The following CENPN variants were observed in gnomAD, a reference collection of about 807,000 sequenced individuals.
CENPN encodes the protein centromere protein N.
CENPN carries 36 observed loss-of-function variants against 48.6 expected under a neutral mutation model. That is an observed-to-expected ratio of 0.74 (90% CI 0.57 to 0.98). The LOEUF is 0.98. Among genes scored for constraint, CENPN ranks in the 50% least tolerant of loss-of-function variants. CENPN has a pLI of 0.00. For synonymous variants in CENPN, 166 were observed against 135.2 expected (o/e 1.23, Z -1.58); for missense variants, 439 against 399.2 (o/e 1.10, Z -0.85).
chr16:81,028,772 A>G lies in CENPN; in HGVS notation c.*121A>G. ...TATTTTCAAGAATCCTTGGTATTGA[A>G]TTTTTAGAAATGCTCACATAATTGT... is the stretch of plus-strand genomic sequence containing the variant. On this transcript the variant is annotated 3_prime_UTR_variant, in exon 11 of 11. Transcript: ENST00000305850. 6.9e-7 allele frequency: 1 copy of G among 1,450,660 alleles called. No individual in the cohort carries two copies. Among genetic ancestry groups the G allele is most frequent in the African/African-American group, 1.4e-5 (1 of 69,138 alleles). The allele number at this position is 1,450,660 out of a possible 1,614,324, so 89.9% of individuals were successfully genotyped here.
At position 81,024,774 on chromosome 16, in the gene CENPN, A is replaced by T. The variant is rs1393023222; in HGVS notation, c.693A>T (p.Ile231=). Residue 231 remains isoleucine (I), a synonymous_variant, in exon 8 of 11, where the codon ATA becomes ATT. Transcript: ENST00000305850. ...PLQERSLGLD[I]NMDSRIIHEN... Reference sequence around the variant, plus strand: ...AGGAAAGAAGCCTTGGACTAGATATAAATAGTACGTGTGTGTTAATATGAA... The same window carrying T: ...AGGAAAGAAGCCTTGGACTAGATATTAATAGTACGTGTGTGTTAATATGAA... 6.2e-7 allele frequency: 1 copy of T among 1,602,786 alleles called. No homozygotes were observed. Among genetic ancestry groups the T allele is most frequent in the Non-Finnish European group, 8.5e-7 (1 of 1,171,292 alleles).
rs566480297 is a variant in CENPN at position 81,009,769 on chromosome 16, T to C, written c.-10-2161T>C. Among the ~76,000 whole-genome samples the C allele has an allele frequency of 2.6e-5, 4 of 152,346 alleles. No individual in the cohort carries two copies. In the South Asian group the frequency reaches 6.2e-4, roughly 24 times the overall value. On this transcript the variant is annotated intron_variant, in intron 1 of 10. Coordinates refer to ENST00000305850, the MANE Select transcript of CENPN (RefSeq NM_001100624.3). Reference sequence around the variant, plus strand: ...GAAGATACTTCTTTGTCCCTGGAATTCCCACAGTTGTGAAGGAAACAGATG... The same window carrying C: ...GAAGATACTTCTTTGTCCCTGGAATCCCCACAGTTGTGAAGGAAACAGATG...
chr16:81,017,358 G>A lies in CENPN; in HGVS notation c.250G>A (p.Glu84Lys). 1.9e-6 allele frequency: 3 copies of A among 1,599,706 alleles called. No individual in the cohort carries two copies. The highest frequency in any genetic ancestry group is 2.6e-6 in the Non-Finnish European group (3 of 1,167,428). ...ATTTCATCAGCACCAGAAAGTTTGG[G>A]AAGTTTTTCAGATGAGTAAAGGACC... ...MQFHQHQKVW[E>K]VFQMSKGPGE... The change falls in exon 4 of 11, where the codon GAA becomes AAA. Residue 84 changes from glutamate to lysine, a missense_variant. Transcript: ENST00000305850.
intron 3 of CENPN, among the ~76,000 whole-genome samples, chr16:81,014,542 A>G (rs1198140798): frequency 6.6e-6 from 1 of 150,966 alleles, no homozygotes; most frequent in Non-Finnish European, 1.5e-5. Flanking sequence ...TTTTGTATAT[A>G]ACGCCTCAGA....
chr16:81,032,691 T>C, downstream of CENPN: 7 of 1,601,736 alleles, frequency 4.4e-6, no homozygotes, highest in Non-Finnish European at 6.0e-6. Context: ...ATCCAAGATG[T>C]TAAAATCATG....
Position 81,029,671 on chromosome 16 carries a change from G to T in CENPN, c.*1020G>T, listed in dbSNP as rs990171304. Reference sequence around the variant, plus strand: ...GCTCCCTGCAACCTCTGCCTCCTGGGTTGAAGAGATTCTCCTGCCTCAGCC... The same window carrying T: ...GCTCCCTGCAACCTCTGCCTCCTGGTTTGAAGAGATTCTCCTGCCTCAGCC... On this transcript the variant is annotated 3_prime_UTR_variant, in exon 11 of 11. Transcript: ENST00000305850. Among the ~76,000 whole-genome samples the T allele has an allele frequency of 6.6e-6, 1 of 152,238 alleles. No homozygotes were observed. The highest frequency in any genetic ancestry group is 2.1e-4 in the South Asian group (1 of 4,826).
At chr16:81,010,511 T>C (rs777889062) in intron 1 of CENPN, among the ~76,000 whole-genome samples, 3 of 152,202 alleles carry the variant, frequency 2.0e-5, no homozygotes, top group Middle Eastern at 3.4e-3. Context: ...GCAGGAGAAG[T>C]GAGGGAGGAA....
intron 5 of CENPN, among the ~76,000 whole-genome samples, chr16:81,019,112 C>T (rs1970059093): frequency 6.6e-6 from 1 of 152,172 alleles, no homozygotes. Context: ...GAGCTAAATG[C>T]ATAAGAGCAT....
intron 6 of CENPN, among the ~76,000 whole-genome samples, chr16:81,020,985 G>T (rs1273707117): frequency 6.6e-6 from 1 of 151,924 alleles, no homozygotes; most frequent in Non-Finnish European, 1.5e-5. Context: ...CCAGTTACTT[G>T]GGAGGCTGAG....
Position 81,024,708 on chromosome 16 carries a change from T to G in CENPN, c.634-7T>G. The G allele has an allele frequency of 1.3e-6, 2 of 1,593,158 alleles. No individual in the cohort carries two copies. The highest frequency in any genetic ancestry group is 1.7e-6 in the Non-Finnish European group (2 of 1,167,892). On this transcript the variant is annotated splice_polypyrimidine_tract_variant and splice_region_variant and intron_variant, in intron 7 of 10. Transcript: ENST00000305850. The stretch of plus-strand genomic sequence containing the variant: ...GATTAGTAAAATATTCACTTTTTTT[T>G]CCCTAGACCTTTGAAACTCACAACT...
chr16:81,017,338 A>G lies in CENPN; in HGVS notation c.230A>G (p.His77Arg). The G allele has an allele frequency of 6.3e-7, 1 of 1,597,516 alleles. No homozygotes were observed. The highest frequency in any genetic ancestry group is 8.6e-7 in the Non-Finnish European group (1 of 1,165,398). The change falls in exon 4 of 11, where the codon CAT becomes CGT. Residue 77 changes from histidine to arginine, a missense_variant. His to Arg is a conservative substitution (Grantham distance 29). Coordinates refer to ENST00000305850, the MANE Select transcript of CENPN (RefSeq NM_001100624.3). The stretch of plus-strand genomic sequence containing the variant: ...TTCCCTCTCTCAGATATGCAATTTC[A>G]TCAGCACCAGAAAGTTTGGGAAGTT... ...ALLDIIYMQF[H>R]QHQKVWEVFQ... is the part of the protein sequence containing the mutation.
chr16:81,014,471 G>A (rs1004492336), intron 3 of CENPN: 1 of 351,860 alleles, frequency 2.8e-6, no homozygotes, highest in Non-Finnish European at 5.3e-6. Flanking sequence ...GGGCTAAAGT[G>A]TTCCTCCTAC....
chr16:81,032,424 T>C, downstream of CENPN: 1 of 717,698 alleles, frequency 1.4e-6, no homozygotes, highest in Non-Finnish European at 2.3e-6. Flanking sequence ...AAAAAGGGTA[T>C]ATAAGCGTCC....
rs1020795508 is a variant in CENPN at position 81,019,380 on chromosome 16, C to CT, written c.355-706dup. 9.1e-4 allele frequency among the ~76,000 whole-genome samples: 127 copies of CT among 139,572 alleles called. 2 individuals are homozygous for CT. Among genetic ancestry groups the CT allele is most frequent in the South Asian group, 4.1e-3 (18 of 4,390 alleles). The allele number at this position is 139,572 out of a possible 152,430, so 91.6% of individuals were successfully genotyped here. ...TATAGGCACATGTCACCGTGCCTGG[C>CT]TTTTTTTTTTTTTTCCGGTAGATAC... is the stretch of plus-strand genomic sequence containing the variant. On this transcript the variant is annotated intron_variant, in intron 5 of 10. Transcript: ENST00000305850.
At chr16:81,019,877 A>C (rs1404343200) in intron 5 of CENPN, among the ~76,000 whole-genome samples, 1 of 76,496 alleles carries the variant, frequency 1.3e-5, no homozygotes, top group African/African-American at 5.4e-5. Context: ...ACCTAGTCTC[A>C]AAAAAAAAAA....
chr16:81,017,840 A>C lies in CENPN; in HGVS notation c.354+6A>C, dbSNP rs764259021. The stretch of plus-strand genomic sequence containing the variant: ...TTCAGAGAGCATTAAAAAATGTAAG[A>C]ATAAAATTCATCTTTTACATAAAAT... On this transcript the variant is annotated splice_donor_region_variant and intron_variant, in intron 5 of 10. Transcript: ENST00000305850. The C allele has an allele frequency of 1.4e-5, 21 of 1,454,074 alleles. No homozygotes were observed. The East Asian group carries it at 4.8e-4, about 33-fold the overall frequency. The allele number at this position is 1,454,074 out of a possible 1,614,324, so 90.1% of individuals were successfully genotyped here. A position where few individuals can be genotyped will look rare whatever the true frequency, so the allele number is the denominator to read the frequency against.
In CENPN at chr16:81,012,096, A is replaced by G; in HGVS notation, c.157A>G (p.Ile53Val). Residue 53 changes from isoleucine to valine, a missense_variant, in exon 2 of 11, where the codon ATC (isoleucine) becomes GTC (valine). Ile to Val is a conservative substitution (Grantham distance 29). Transcript: ENST00000305850. ...QRKESVVQHL[I>V]HLCEEKRASI... ...AAAGGAATCTGTAGTTCAGCACTTGATCCATCTGTGTGAGGTAACAGTGTT... is the reference window on the plus strand; with the variant it reads ...AAAGGAATCTGTAGTTCAGCACTTGGTCCATCTGTGTGAGGTAACAGTGTT... The G allele has an allele frequency of 1.2e-6, 2 of 1,614,114 alleles. No individual in the cohort carries two copies. The highest frequency in any genetic ancestry group is 1.7e-6 in the Non-Finnish European group (2 of 1,179,992).
At chr16:81,025,734 A>G (rs1232021058) in intron 8 of CENPN, among the ~76,000 whole-genome samples, 1 of 132,754 alleles carries the variant, frequency 7.5e-6, no homozygotes, top group Non-Finnish European at 1.5e-5. Flanking sequence ...ACAGAGTCTC[A>G]CTCTATTTCC....
chr16:81,026,484 A>G (rs1274091943), intron 8 of CENPN, 42 bp from the exon 9 acceptor site: 5 of 946,806 alleles, frequency 5.3e-6, no homozygotes, highest in Non-Finnish European at 8.3e-6. Context: ...AGGATGAAAT[A>G]TATTCCTAAC....
Sources: allele counts gnomAD v4.1 joint callset (sites outside exome capture counted in the v4.1 genomes callset), GRCh38; gene constraint gnomAD v4.1.1; transcripts MANE v1.5; gene names NCBI Gene and HGNC (gene_info 2026-07-23, HGNC 2026-07-21).